ZNF367: variants seen among roughly 807,000 people sequenced by gnomAD.
ZNF367 encodes zinc finger protein 367, also known as C2H2 zinc finger protein ZFF29.
A neutral mutation model predicts 31.8 loss-of-function variants in ZNF367; 11 were observed. That is an observed-to-expected ratio of 0.35 (90% confidence interval 0.22 to 0.57). ZNF367 has a LOEUF of 0.57. ZNF367 is among the 20% of genes least tolerant of loss of function. The probability of loss-of-function intolerance (pLI) is 0.85; values close to 1 mark genes in which losing one functional copy is unlikely to be tolerated. For synonymous variants in ZNF367, 199 were observed against 202.4 expected, an observed-to-expected ratio of 0.98 and a Z score of 0.14; for missense variants, 353 against 484.1, an observed-to-expected ratio of 0.73 and a Z score of 2.54.
At chr9:96,391,515 G>C (rs544644983) in intron 4 of ZNF367, among the ~76,000 whole-genome samples, 39 of 152,288 alleles carry the variant, frequency 2.6e-4, no homozygotes, top group African/African-American at 9.1e-4. Flanking sequence ...GGGGACAGTT[G>C]CCTTATCAGA....
At chr9:96,405,778 C>T (rs1831665329) in intron 1 of ZNF367, among the ~76,000 whole-genome samples, 1 of 152,042 alleles carries the variant, frequency 6.6e-6, no homozygotes, top group Non-Finnish European at 1.5e-5. Flanking sequence ...TGTTGGTTTC[C>T]AAGGTCTGCA....
chr9:96,402,610 G>A (rs554324746), intron 1 of ZNF367, among the ~76,000 whole-genome samples: 48 of 136,454 alleles, frequency 3.5e-4, no homozygotes, highest in African/African-American at 1.3e-3. Flanking sequence ...CCACCACCAC[G>A]CCTGGCTAAT....
At chr9:96,412,697 C>CTTTTTTTTTTTTTTTTTT (rs71368258) in intron 1 of ZNF367, among the ~76,000 whole-genome samples, 1 of 133,800 alleles carries the variant, frequency 7.5e-6, no homozygotes, top group East Asian at 2.1e-4. Context: ...TTTTTCTTTT[C>CTTTTTTTTTTTTTTTTTT]TTTTTTTTTT....
Position 96,392,438 on chromosome 9 carries a change from G to C in ZNF367, c.790C>G (p.Gln264Glu). 6.2e-7 allele frequency: 1 copy of C among 1,614,224 alleles called. No individual in the cohort carries two copies. The highest frequency in any genetic ancestry group is 8.5e-7 in the Non-Finnish European group (1 of 1,180,044). ...GCCGCGGCCTTGTTGTCGGCAGCCT[G>C]ATGTTTGCTGAGTGTGTCCGTGGGC... Reference protein sequence around the residue: ...EEPTDTLSKHQAADNKAAAEW... With the variant: ...EEPTDTLSKHEAADNKAAAEW... Residue 264 changes from glutamine to glutamate, a missense_variant, in exon 4 of 5, where the codon CAG (glutamine) becomes GAG (glutamate). By Grantham distance (29) the Gln-to-Glu change is conservative (BLOSUM62 2). This residue lies in a region of ZNF367 where 101 missense variants were observed against 140.0 expected (regional missense o/e 0.72). Coordinates refer to ENST00000375256, the MANE Select transcript of ZNF367 (RefSeq NM_153695.4).
intron 1 of ZNF367, among the ~76,000 whole-genome samples, chr9:96,413,836 G>C (rs1185919011): frequency 6.6e-6 from 1 of 152,146 alleles, no homozygotes; most frequent in African/African-American, 2.4e-5. Flanking sequence ...GGACTCAGAC[G>C]CTGACACCTC....
In ZNF367 at chr9:96,392,448, G is replaced by A; in HGVS notation, c.780C>T (p.Leu260=). 6.2e-7 allele frequency: 1 copy of A among 1,614,212 alleles called. No individual in the cohort carries two copies. The highest frequency in any genetic ancestry group is 8.5e-7 in the Non-Finnish European group (1 of 1,180,036). ...RLKREEPTDT[L]SKHQAADNKA... is the part of the protein sequence containing the mutation. ...TGTTGTCGGCAGCCTGATGTTTGCT[G>A]AGTGTGTCCGTGGGCTCCTCTCTCT... Residue 260 remains leucine (L), a synonymous_variant, in exon 4 of 5, where the codon CTC becomes CTT. Coordinates refer to ENST00000375256, the MANE Select transcript of ZNF367 (RefSeq NM_153695.4).
chr9:96,410,193 G>T (rs571523229), intron 1 of ZNF367, among the ~76,000 whole-genome samples: 2 of 151,672 alleles, frequency 1.3e-5, no homozygotes, highest in African/African-American at 4.8e-5. Context: ...CTGGGAGGCG[G>T]AGGTTGCAGT....
chr9:96,415,261 G>A (rs924958703), intron 1 of ZNF367, among the ~76,000 whole-genome samples: 13 of 147,196 alleles, frequency 8.8e-5, no homozygotes, highest in Non-Finnish European at 1.6e-4. Context: ...TAGAGACGGG[G>A]TTTCACCGTG....
chr9:96,407,555 T>A, intron 1 of ZNF367: 1 of 1,390,594 alleles, frequency 7.2e-7, no homozygotes, highest in Non-Finnish European at 1.0e-6. Context: ...CCTGCCTATC[T>A]GCTGGACAGA....
chr9:96,416,240 C>A (rs932500543), intron 1 of ZNF367, among the ~76,000 whole-genome samples: 3 of 152,104 alleles, frequency 2.0e-5, no homozygotes, highest in Admixed American at 1.3e-4. Flanking sequence ...GCGCCCACCA[C>A]CAAGCCCGGC....
At chr9:96,410,581 A>C (rs1831734282) in intron 1 of ZNF367, among the ~76,000 whole-genome samples, 1 of 142,936 alleles carries the variant, frequency 7.0e-6, no homozygotes, top group South Asian at 2.3e-4. Flanking sequence ...AAAAAAAAAC[A>C]AAAAAAACCA....
rs544828027 is a variant in ZNF367, at chr9:96,401,843, T to G, written c.421-3529A>C. Among the ~76,000 whole-genome samples, 15 of 148,144 alleles carry G rather than the reference T, an allele frequency of 1.0e-4. 1 individual carries two copies. In the East Asian group the frequency reaches 3.1e-3, roughly 30 times the overall value. On this transcript the variant is annotated intron_variant, in intron 1 of 4. Coordinates refer to ENST00000375256, the MANE Select transcript of ZNF367 (RefSeq NM_153695.4). ...ATGCCATCTCCAAAAAAAAAAAAAT[T>G]TTTAAATTAGCAAGGTGCAGTGGTG...
At position 96,415,077 on chromosome 9, in the gene ZNF367, CAG is replaced by C. The variant is rs538492719; in HGVS notation, c.420+2534_420+2535del. On this transcript the variant is annotated intron_variant, in intron 1 of 4. Transcript: ENST00000375256. ...AATTTTTTTTTTTTTTTTTCTGAGA[CAG>C]AGTCTTGCTCTGTCGCCCAGGCTGG... is the stretch of plus-strand genomic sequence containing the variant. Among the ~76,000 whole-genome samples, 8 of 145,106 alleles carry C rather than the reference CAG, an allele frequency of 5.5e-5. No homozygotes were observed. The South Asian group carries it at 1.5e-3, about 28-fold the overall frequency.
intron 2 of ZNF367, 94 bp from the exon 3 acceptor site, chr9:96,395,036 T>G: frequency 3.0e-6 from 4 of 1,351,678 alleles, no homozygotes; most frequent in South Asian, 1.3e-5. Flanking sequence ...AGGTCATGAC[T>G]CCCAATAACA....
intron 1 of ZNF367, among the ~76,000 whole-genome samples, chr9:96,400,950 G>A (rs1198507420): frequency 2.6e-5 from 4 of 152,226 alleles, no homozygotes; most frequent in African/African-American, 4.8e-5. Context: ...ACTTGGATAA[G>A]CACCATGGCT....
chr9:96,407,830 G>C, intron 1 of ZNF367: 3 of 861,694 alleles, frequency 3.5e-6, no homozygotes, highest in Non-Finnish European at 3.6e-6. Context: ...AGCCAGGATG[G>C]TCTCGATCTC....
chr9:96,398,856 T>C (rs1831565578), intron 1 of ZNF367, among the ~76,000 whole-genome samples: 1 of 152,178 alleles, frequency 6.6e-6, no homozygotes, highest in African/African-American at 2.4e-5. Context: ...AAGAATTGCG[T>C]TTGCCTGTTT....
At chr9:96,400,724 A>G (rs980570636) in intron 1 of ZNF367, among the ~76,000 whole-genome samples, 1 of 152,218 alleles carries the variant, frequency 6.6e-6, no homozygotes, top group Non-Finnish European at 1.5e-5. Flanking sequence ...AAGCATACCA[A>G]CATACATATA....
In ZNF367 at chr9:96,411,508, A is replaced by T. The variant is rs548252002; in HGVS notation, c.420+6105T>A. ...AGAGTGGGAGTTCAAGGCTGCAGTGAGCCCTAACAGTGCCACTGCACTCAG... is the reference window on the plus strand; with the variant it reads ...AGAGTGGGAGTTCAAGGCTGCAGTGTGCCCTAACAGTGCCACTGCACTCAG... On this transcript the variant is annotated intron_variant, in intron 1 of 4. Transcript: ENST00000375256. Among the ~76,000 whole-genome samples, 4 of 152,200 alleles carry T rather than the reference A, an allele frequency of 2.6e-5. No homozygotes were observed. The East Asian group carries it at 7.8e-4, about 30-fold the overall frequency.
Sources: allele counts gnomAD v4.1 joint callset (sites outside exome capture counted in the v4.1 genomes callset), GRCh38; gene constraint gnomAD v4.1.1; regional missense constraint gnomAD v4.1.1; transcripts MANE v1.5; gene names NCBI Gene and HGNC (gene_info 2026-07-23, HGNC 2026-07-21).